Variants in NSD1 observed in about 807,000 individuals in gnomAD.
NSD1 encodes nuclear receptor binding SET domain protein 1.
In NSD1, 26 loss-of-function variants were observed where a neutral mutation model predicts 242.7. That is an observed-to-expected ratio of 0.11 (90% confidence interval 0.08 to 0.15). The LOEUF (loss-of-function observed/expected upper bound fraction) is 0.15, where lower values mean the gene tolerates loss of function less well. NSD1 is among the 10% of genes least tolerant of loss of function. NSD1 has a pLI of 1.00. For missense variants in NSD1, 2,495 were observed against 3,272.8 expected (o/e 0.76, Z 5.80); for synonymous variants, 1,106 against 1,178.1 (o/e 0.94, Z 1.25).
At chr5:177,204,427 C>T (rs1357639136) in intron 4 of NSD1, 135 bp downstream of exon 4, 2 of 781,308 alleles carry the variant, frequency 2.6e-6, no homozygotes, top group African/African-American at 3.5e-5. Flanking sequence ...AATCTTTGTT[C>T]ACTGCAACCT....
At chr5:177,220,415 C>T (rs1021217721) in intron 5 of NSD1, among the ~76,000 whole-genome samples, 9 of 152,096 alleles carry the variant, frequency 5.9e-5, no homozygotes, top group Admixed American at 2.6e-4. Context: ...CATTCACGTT[C>T]AGCCTCTGTG....
chr5:177,181,021 A>C (rs1760620428), intron 2 of NSD1, among the ~76,000 whole-genome samples: 1 of 149,072 alleles, frequency 6.7e-6, no homozygotes, highest in African/African-American at 2.5e-5. Flanking sequence ...CATTTTGTAG[A>C]TGAGCAAAAA....
At chr5:177,147,006 CA>C (rs61004413) in intron 2 of NSD1, among the ~76,000 whole-genome samples, 94,220 of 136,226 alleles carry the variant, frequency 0.69, 31,493 homozygotes, top group East Asian at 0.99. Flanking sequence ...GTCTCTGTCT[CA>C]AAAAAAAAAA....
intron 2 of NSD1, among the ~76,000 whole-genome samples, chr5:177,142,939 G>A (rs1215682400): frequency 1.3e-5 from 2 of 152,166 alleles, no homozygotes; most frequent in Non-Finnish European, 2.9e-5. Context: ...CAGCCAAACT[G>A]AACTCTTAAT....
intron 5 of NSD1, among the ~76,000 whole-genome samples, chr5:177,226,496 A>G (rs1395335471): frequency 6.6e-6 from 1 of 152,136 alleles, no homozygotes; most frequent in Non-Finnish European, 1.5e-5. Context: ...TTATTTATTT[A>G]TTTTTGAAAT....
intron 5 of NSD1, among the ~76,000 whole-genome samples, chr5:177,227,080 A>G (rs1764687997): frequency 6.6e-6 from 1 of 152,328 alleles, no homozygotes; most frequent in East Asian, 1.9e-4. Flanking sequence ...TGAAACACAT[A>G]TGGATGAAAT....
chr5:177,165,940 C>G (rs372724983), intron 2 of NSD1, among the ~76,000 whole-genome samples: 2 of 133,464 alleles, frequency 1.5e-5, no homozygotes, highest in Non-Finnish European at 3.1e-5. Context: ...GATGGAGTCT[C>G]GCTCTGTCAC....
At chr5:177,163,671 C>T (rs749065801) in intron 2 of NSD1, among the ~76,000 whole-genome samples, 6 of 152,090 alleles carry the variant, frequency 3.9e-5, no homozygotes, top group Admixed American at 1.3e-4. Flanking sequence ...TTAATATATT[C>T]GGTGCCACAT....
chr5:177,161,847 C>T (rs561608165), intron 2 of NSD1, among the ~76,000 whole-genome samples: 1 of 152,092 alleles, frequency 6.6e-6, no homozygotes, highest in East Asian at 1.9e-4. Flanking sequence ...GATGGGGTTT[C>T]ACCATGTTGG....
At chr5:177,186,400 A>G (rs1019365889) in intron 2 of NSD1, among the ~76,000 whole-genome samples, 2 of 152,044 alleles carry the variant, frequency 1.3e-5, no homozygotes, top group Non-Finnish European at 2.9e-5. Context: ...ACTATATTCA[A>G]TTTACATTAA....
At chr5:177,284,798 A>G (rs1759174780) in intron 20 of NSD1, among the ~76,000 whole-genome samples, 1 of 152,218 alleles carries the variant, frequency 6.6e-6, no homozygotes, top group African/African-American at 2.4e-5. Flanking sequence ...TTATGGACCC[A>G]AGGCTATTTT....
chr5:177,149,185 C>T (rs139286532), intron 2 of NSD1, among the ~76,000 whole-genome samples: 5 of 151,658 alleles, frequency 3.3e-5, no homozygotes, highest in Non-Finnish European at 5.9e-5. Context: ...TTTAGCCATT[C>T]GTGTAGATAT....
chr5:177,265,439 T>TC, intron 14 of NSD1: 1 of 609,836 alleles, frequency 1.6e-6, no homozygotes, highest in Non-Finnish European at 2.9e-6. Flanking sequence ...TGATGTGCCC[T>TC]CCCCATCCCC....
chr5:177,182,527 A>G (rs1760775682), intron 2 of NSD1, among the ~76,000 whole-genome samples: 1 of 152,028 alleles, frequency 6.6e-6, no homozygotes, highest in Admixed American at 6.6e-5. Context: ...CCTGGACTCA[A>G]GTGATTGTTT....
chr5:177,226,687 T>C (rs1764658024), intron 5 of NSD1, among the ~76,000 whole-genome samples: 1 of 152,208 alleles, frequency 6.6e-6, no homozygotes, highest in African/African-American at 2.4e-5. Context: ...TTCATAGTTG[T>C]TATACTGATA....
rs2127280471 is a variant in NSD1 at position 177,294,303 on chromosome 5, G to A, written c.6935G>A (p.Ser2312Asn). 6.2e-7 allele frequency: 1 copy of A among 1,613,556 alleles called. No individual in the cohort carries two copies. Among genetic ancestry groups the A allele is most frequent in the Non-Finnish European group, 8.5e-7 (1 of 1,179,546 alleles). Residue 2312 changes from serine (S) to asparagine (N), a missense_variant, in exon 23 of 23, where the codon AGC becomes AAC. Around this residue, in one of 19 missense-constraint regions of NSD1, gnomAD observed 475 missense variants for 563.7 expected, o/e 0.84. Transcript: ENST00000439151. ...SGTKSQSLVS[S>N]QRPLDRPPAV... ...ACCAAATCCCAATCCTTGGTTTCCA[G>A]CCAGAGGCCACTGGACAGGCCACCA...
chr5:177,216,052 G>C (rs1387303982), intron 5 of NSD1, among the ~76,000 whole-genome samples: 1 of 152,018 alleles, frequency 6.6e-6, no homozygotes, highest in Non-Finnish European at 1.5e-5. Flanking sequence ...TGTAGAGACA[G>C]GTTTCTGGCT....
At chr5:177,176,682 T>C (rs1760234501) in intron 2 of NSD1, among the ~76,000 whole-genome samples, 1 of 152,214 alleles carries the variant, frequency 6.6e-6, no homozygotes, top group African/African-American at 2.4e-5. Context: ...GGTTATGTCA[T>C]TACTTTTCCT....
rs752701947 is a variant in NSD1 at position 177,294,239 on chromosome 5, C to T, written c.6871C>T (p.Gln2291Ter). 6 of 1,613,552 alleles carry T rather than the reference C, an allele frequency of 3.7e-6. No homozygotes were observed. The highest frequency in any genetic ancestry group is 4.2e-6 in the Non-Finnish European group (5 of 1,179,520). ...RPLERTDSRP[Q>*]PLDKVRDLAG... is the part of the protein sequence containing the mutation. The stretch of plus-strand genomic sequence containing the variant: ...TCTTGAGAGAACTGACTCCAGGCCC[C>T]AGCCTTTAGATAAGGTCAGAGACCT... The change falls in exon 23 of 23, where the codon CAG becomes TAG. Residue 2291 changes from glutamine to a stop codon, truncating the protein, a stop_gained. Coordinates refer to ENST00000439151, the MANE Select transcript of NSD1 (RefSeq NM_022455.5). LOFTEE classifies it high-confidence loss of function.
Sources: gnomAD v4.1 joint callset for allele counts (sites outside exome capture counted in the v4.1 genomes callset) on GRCh38, gnomAD v4.1.1 for gene constraint, gnomAD v4.1.1 regional missense constraint, MANE v1.5 for transcripts, NCBI Gene and HGNC (gene_info 2026-07-23, HGNC 2026-07-21) for gene names.